The following GRM8 variants were observed in gnomAD, a reference collection of about 807,000 sequenced individuals.
The protein encoded by GRM8 is metabotropic glutamate receptor 8.
A neutral mutation model predicts 87.2 loss-of-function variants in GRM8; 47 were observed. The ratio of observed to expected loss-of-function variants is 0.54; its 90% CI spans 0.43 to 0.69. The LOEUF (loss-of-function observed/expected upper bound fraction) is 0.69. Ranked by LOEUF, GRM8 falls within the 30% of genes least tolerant of loss-of-function variation. GRM8 has a pLI of 0.00. For synonymous variants in GRM8, 396 were observed against 404.5 expected, an observed-to-expected ratio of 0.98 and a Z score of 0.25; for missense variants, 1,019 against 1,139.2, an observed-to-expected ratio of 0.89 and a Z score of 1.52.
chr7:126,858,308 C>G (rs1797858146), intron 6 of GRM8, among the ~76,000 whole-genome samples: 1 of 152,116 alleles, frequency 6.6e-6, no homozygotes, highest in Non-Finnish European at 1.5e-5. Flanking sequence ...TCAGGTCACT[C>G]CTTCTACTCA....
At chr7:127,172,037 A>G (rs1429642989) in intron 2 of GRM8, among the ~76,000 whole-genome samples, 2 of 152,116 alleles carry the variant, frequency 1.3e-5, no homozygotes, top group African/African-American at 2.4e-5. Flanking sequence ...AAAAAAAAAG[A>G]AACAAGTAAA....
intron 2 of GRM8, among the ~76,000 whole-genome samples, chr7:127,223,133 A>G (rs1797041235): frequency 6.6e-6 from 1 of 152,152 alleles, no homozygotes; most frequent in Non-Finnish European, 1.5e-5. Context: ...CATTAGATCT[A>G]AAACAAGCAT....
intron 8 of GRM8, among the ~76,000 whole-genome samples, chr7:126,564,299 C>T (rs1794008715): frequency 6.6e-6 from 1 of 152,200 alleles, no homozygotes; most frequent in Admixed American, 6.5e-5. Context: ...CTGAACTCAA[C>T]TCAAGGAAGC....
chr7:126,460,728 G>A (rs566303919), intron 9 of GRM8, among the ~76,000 whole-genome samples: 3 of 151,560 alleles, frequency 2.0e-5, no homozygotes, highest in Non-Finnish European at 4.4e-5. Context: ...AAATACAAGA[G>A]AGTGAAGGAG....
At chr7:126,757,935 A>T (rs1002739082) in intron 7 of GRM8, among the ~76,000 whole-genome samples, 1 of 152,168 alleles carries the variant, frequency 6.6e-6, no homozygotes, top group African/African-American at 2.4e-5. Flanking sequence ...CTAAGGTTCT[A>T]ATAAGAAATC....
At chr7:126,802,348 A>T (rs1454806764) in intron 6 of GRM8, among the ~76,000 whole-genome samples, 1 of 151,998 alleles carries the variant, frequency 6.6e-6, no homozygotes, top group Non-Finnish European at 1.5e-5. Context: ...CTTCTCCCAG[A>T]CTCTGGTAAT....
intron 6 of GRM8, among the ~76,000 whole-genome samples, chr7:126,866,701 C>T (rs1798628243): frequency 6.7e-6 from 1 of 148,812 alleles, no homozygotes; most frequent in Non-Finnish European, 1.5e-5. Flanking sequence ...AAGCAATTCT[C>T]CTGCCTCAGC....
chr7:127,031,887 A>G (rs1817408218), intron 3 of GRM8, among the ~76,000 whole-genome samples: 1 of 152,060 alleles, frequency 6.6e-6, no homozygotes, highest in Non-Finnish European at 1.5e-5. Context: ...TTTAATACCT[A>G]AGAAGTTCTA....
rs749353964 is a variant in GRM8, at chr7:127,037,527, T to C, written c.727+68969A>G. ...CTTGCCCCCACTTTATGCCACAACTTACCTGGCATTCTGGACACTCATCTG... is the reference window on the plus strand; with the variant it reads ...CTTGCCCCCACTTTATGCCACAACTCACCTGGCATTCTGGACACTCATCTG... On this transcript the variant is annotated intron_variant, in intron 3 of 10. Coordinates refer to ENST00000339582, the MANE Select transcript of GRM8 (RefSeq NM_000845.3). Among the ~76,000 whole-genome samples the C allele has an allele frequency of 2.7e-4, 41 of 152,202 alleles. 1 individual carries two copies. The highest frequency in any genetic ancestry group is 8.8e-5 in the Non-Finnish European group (6 of 68,034).
intron 2 of GRM8, among the ~76,000 whole-genome samples, chr7:127,184,253 C>G (rs542883270): frequency 6.6e-6 from 1 of 151,740 alleles, no homozygotes; most frequent in African/African-American, 2.4e-5. Context: ...TAAAAATCCT[C>G]AACATATTAG....
At position 126,462,462 on chromosome 7, in the gene GRM8, C is replaced by T. The variant is rs189227169; in HGVS notation, c.2431-16090G>A. Among the ~76,000 whole-genome samples, 27 of 151,492 alleles carry T rather than the reference C, an allele frequency of 1.8e-4. No homozygotes were observed. In the East Asian group the frequency reaches 4.3e-3, roughly 24 times the overall value. The stretch of plus-strand genomic sequence containing the variant: ...TCAGTTAGACAATTAGTTAGATAGA[C>T]GTTTGTGGATGGCATAAAGACAATT... On this transcript the variant is annotated intron_variant, in intron 9 of 10. Coordinates refer to ENST00000339582, the MANE Select transcript of GRM8 (RefSeq NM_000845.3).
chr7:127,041,628 G>A (rs570766941), intron 3 of GRM8, among the ~76,000 whole-genome samples: 1 of 152,320 alleles, frequency 6.6e-6, no homozygotes, highest in East Asian at 1.9e-4. Flanking sequence ...TTCTCTACAG[G>A]AATATGGAGG....
chr7:126,885,767 C>T (rs1330600368), intron 6 of GRM8, among the ~76,000 whole-genome samples: 1 of 152,070 alleles, frequency 6.6e-6, no homozygotes, highest in Non-Finnish European at 1.5e-5. Context: ...TCAAACCCTC[C>T]AGGGGTGAGA....
intron 6 of GRM8, among the ~76,000 whole-genome samples, chr7:126,794,726 TCACACACC>T (rs1179665654): frequency 6.6e-6 from 1 of 152,206 alleles, no homozygotes; most frequent in Non-Finnish European, 1.5e-5. Context: ...GTGTGGTGGT[TCACACACC>T]TGTAACTAGA....
At chr7:127,157,428 A>T (rs1368916696) in intron 2 of GRM8, among the ~76,000 whole-genome samples, 1 of 152,194 alleles carries the variant, frequency 6.6e-6, no homozygotes, top group Non-Finnish European at 1.5e-5. Flanking sequence ...AAATGAAAAA[A>T]TTTTAAAAAT....
At chr7:126,603,268 C>T (rs1798002519) in intron 8 of GRM8, among the ~76,000 whole-genome samples, 1 of 145,224 alleles carries the variant, frequency 6.9e-6, no homozygotes, top group Admixed American at 6.9e-5. Context: ...GACAAACCCA[C>T]AGCCAATATC....
At chr7:127,147,769 T>G (rs1828632457) in intron 2 of GRM8, among the ~76,000 whole-genome samples, 2 of 72,962 alleles carry the variant, frequency 2.7e-5, no homozygotes, top group South Asian at 3.7e-4. Context: ...TGTCAAGACT[T>G]TACCATGTTT....
chr7:126,494,117 C>T (rs1450605962), intron 9 of GRM8, among the ~76,000 whole-genome samples: 1 of 151,980 alleles, frequency 6.6e-6, no homozygotes, highest in Admixed American at 6.6e-5. Flanking sequence ...ACATATTTAC[C>T]AGTAATGAAG....
intron 3 of GRM8, among the ~76,000 whole-genome samples, chr7:126,948,988 T>C (rs1239734109): frequency 6.6e-6 from 1 of 152,236 alleles, no homozygotes; most frequent in African/African-American, 2.4e-5. Context: ...ACTAACTTGG[T>C]AACTGTGTGA....
Sources: allele counts gnomAD v4.1 joint callset (sites outside exome capture counted in the v4.1 genomes callset), GRCh38; gene constraint gnomAD v4.1.1; transcripts MANE v1.5; gene names NCBI Gene and HGNC (gene_info 2026-07-23, HGNC 2026-07-21).